The following ZFYVE26 variants were observed in gnomAD, a reference collection of about 807,000 sequenced individuals.
ZFYVE26 encodes the protein zinc finger FYVE-type containing 26.
ZFYVE26 carries 181 observed loss-of-function variants against 276.5 expected under a neutral mutation model. The ratio of observed to expected loss-of-function variants is 0.65; its 90% CI spans 0.58 to 0.74. The LOEUF (loss-of-function observed/expected upper bound fraction) is 0.74, where lower values mean the gene tolerates loss of function less well. Ranked by LOEUF, ZFYVE26 falls within the 30% of genes least tolerant of loss-of-function variation. The pLI is 0.00. For synonymous variants in ZFYVE26, 1,129 were observed against 1,203.1 expected, an observed-to-expected ratio of 0.94 and a Z score of 1.27; for missense variants, 2,821 against 3,097.9, an observed-to-expected ratio of 0.91 and a Z score of 2.12.
intron 32 of ZFYVE26, 75 bp downstream of exon 32, chr14:67,766,152 T>C (rs2039051063): frequency 1.4e-6 from 2 of 1,419,162 alleles, no homozygotes; most frequent in Admixed American, 1.7e-5. Context: ...GATAAAAAAA[T>C]CACAGTGGGG....
At chr14:67,753,683 T>C in intron 39 of ZFYVE26, 24 bp downstream of exon 39, 4 of 1,611,394 alleles carry the variant, frequency 2.5e-6, no homozygotes, top group Non-Finnish European at 3.4e-6. Context: ...GTCCTCAGTA[T>C]GATTTGAATG....
At position 67,737,349 on chromosome 14, in the gene ZFYVE26, G is replaced by A. The variant is rs141726924; in HGVS notation, n.2680-7530C>T. 9.6e-3 allele frequency among the ~76,000 whole-genome samples: 1,459 copies of A among 152,158 alleles called. 23 individuals are homozygous for A. The highest frequency in any genetic ancestry group is 0.03 in the African/African-American group (1,233 of 41,514). On this transcript the variant is annotated intron_variant and non_coding_transcript_variant, in intron 13 of 14. Coordinates refer to the ZFYVE26 transcript ENST00000394455. ...AATTGGCTCATACTTCCACATGGCC[G>A]GGGAGGCCTCAGGAAACTTACAATC...
intron 16 of ZFYVE26, among the ~76,000 whole-genome samples, chr14:67,788,304 G>A (rs772361095): frequency 6.6e-6 from 1 of 152,186 alleles, no homozygotes; most frequent in Non-Finnish European, 1.5e-5. Context: ...CAGGAGAATC[G>A]CTTGAACCCG....
chr14:67,779,487 G>A (rs879654486), intron 23 of ZFYVE26, among the ~76,000 whole-genome samples: 19 of 152,246 alleles, frequency 1.2e-4, no homozygotes, highest in Admixed American at 7.2e-4. Context: ...ATCTGAACCC[G>A]GGAGGCGGAG....
chr14:67,782,465 A>G (rs1333729838), intron 21 of ZFYVE26, among the ~76,000 whole-genome samples: 1 of 152,180 alleles, frequency 6.6e-6, no homozygotes, highest in African/African-American at 2.4e-5. Context: ...CCTGAGCTCT[A>G]TCCTGGGCCT....
intron 2 of ZFYVE26, 82 bp from the exon 3 acceptor site, chr14:67,814,146 G>T: frequency 2.6e-6 from 3 of 1,141,588 alleles, no homozygotes; most frequent in Non-Finnish European, 3.9e-6. Context: ...AGATTTCATT[G>T]CTTATTCTGT....
intron 28 of ZFYVE26, chr14:67,770,239 G>A (rs181824001): frequency 1.6e-3 from 282 of 175,632 alleles, no homozygotes; most frequent in Non-Finnish European, 2.9e-3. Flanking sequence ...AGAGGTGAGC[G>A]GATCATCTGA....
At chr14:67,816,398 G>A in intron 1 of ZFYVE26, 136 bp downstream of exon 1, 2 of 162,768 alleles carry the variant, frequency 1.2e-5, no homozygotes, top group South Asian at 3.1e-4. Context: ...TGAGCCCTCT[G>A]TTAAGGCAGA....
chr14:67,772,834 G>A (rs2140208509), intron 27 of ZFYVE26, among the ~76,000 whole-genome samples: 1 of 152,270 alleles, frequency 6.6e-6, no homozygotes, highest in Admixed American at 6.5e-5. Context: ...GGTGGTGTGT[G>A]CATGTAGTCC....
chr14:67,748,598 G>A lies in ZFYVE26; in HGVS notation c.7458C>T (p.Tyr2486=), dbSNP rs766789454. 11 of 1,614,052 alleles carry A rather than the reference G, an allele frequency of 6.8e-6. No individual in the cohort carries two copies. The Admixed American group carries it at 1.7e-4, about 24-fold the overall frequency. The stretch of plus-strand genomic sequence containing the variant: ...AGTGTTCTTGCTTCACAGCAATCAA[G>A]TAGGCAGAACGCAGTTTGCAACATA... ...YLICCKLRSA[Y]LIAVKQEHSR... The change falls in exon 42 of 42, where the codon TAC becomes TAT. Residue 2486 remains tyrosine (Y), a synonymous_variant. Coordinates refer to ENST00000347230, the MANE Select transcript of ZFYVE26 (RefSeq NM_015346.4).
rs1035808739 is a variant in ZFYVE26, at chr14:67,729,303, G to C, written n.3196C>G. On this transcript the variant is annotated non_coding_transcript_exon_variant, in exon 14 of 15. Coordinates refer to the ZFYVE26 transcript ENST00000394455. The stretch of plus-strand genomic sequence containing the variant: ...GGCTCTTCTCCCCCTTTGTCAAGAC[G>C]GCACGGGAGGGGGCGCAGACCAGCC... 1.1e-5 allele frequency: 18 copies of C among 1,601,948 alleles called. No homozygotes were observed. Among genetic ancestry groups the C allele is most frequent in the Admixed American group, 1.7e-5 (1 of 59,992 alleles).
chr14:67,790,874 A>G (rs2039796584), intron 14 of ZFYVE26, 101 bp from the exon 15 acceptor site: 1 of 1,103,038 alleles, frequency 9.1e-7, no homozygotes, highest in Admixed American at 1.7e-5. Flanking sequence ...TGGCCCTAAG[A>G]TGTCTTTGTG....
downstream of ZFYVE26, among the ~76,000 whole-genome samples, chr14:67,742,942 C>T (rs551848724): frequency 9.5e-5 from 14 of 147,868 alleles, no homozygotes; most frequent in East Asian, 1.6e-3. Context: ...TGGGCTCAAG[C>T]GATCCTCCCA....
intron 27 of ZFYVE26, among the ~76,000 whole-genome samples, chr14:67,773,553 G>GCACACACA (rs150277930): frequency 7.3e-6 from 1 of 136,966 alleles, no homozygotes; most frequent in Non-Finnish European, 1.5e-5. Flanking sequence ...AAAAAAAGGC[G>GCACACACA]CACACACACA....
In ZFYVE26 at chr14:67,790,781, A is replaced by G. The variant is rs1470580960; in HGVS notation, c.2554-8T>C. 6.2e-7 allele frequency: 1 copy of G among 1,613,478 alleles called. No individual in the cohort carries two copies. Among genetic ancestry groups the G allele is most frequent in the African/African-American group, 1.3e-5 (1 of 74,934 alleles). On this transcript the variant is annotated splice_polypyrimidine_tract_variant and splice_region_variant and intron_variant, in intron 14 of 41. Transcript: ENST00000347230. ...GTTGAACGTGAACAGCACCTGTCAT[A>G]GGAGAGGGAGTGTGTGGGCCCTGGT...
intron 9 of ZFYVE26, among the ~76,000 whole-genome samples, chr14:67,803,345 T>C (rs548685887): frequency 2.0e-5 from 3 of 152,100 alleles, no homozygotes; most frequent in Non-Finnish European, 2.9e-5. Context: ...TTCAGACAAG[T>C]CTTCTTCTTT....
chr14:67,762,493 T>C, intron 33 of ZFYVE26, 81 bp from the exon 34 acceptor site: 1 of 1,544,166 alleles, frequency 6.5e-7, no homozygotes, highest in Non-Finnish European at 8.8e-7. Flanking sequence ...TATTCCCAAG[T>C]TGCCAACCAC....
At chr14:67,800,048 G>A (rs1389453704) in intron 10 of ZFYVE26, among the ~76,000 whole-genome samples, 1 of 152,120 alleles carries the variant, frequency 6.6e-6, no homozygotes, top group Non-Finnish European at 1.5e-5. Context: ...TTTACATTTG[G>A]TCTTAATGAT....
At position 67,783,147 on chromosome 14, in the gene ZFYVE26, T is replaced by C. The variant is rs907667900; in HGVS notation, c.4005A>G (p.Ser1335=). Residue 1335 remains serine (S), a synonymous_variant, in exon 21 of 42, where the codon TCA becomes TCG. Transcript: ENST00000347230. ...PRLKVSKPSL[S]WKELRGRREV... is the part of the protein sequence containing the mutation. The stretch of plus-strand genomic sequence containing the variant: ...CCCTGCGGCCACGAAGTTCCTTCCA[T>C]GACAAGCTGGGTTTGCTGACCTTTA... 4 of 1,607,854 alleles carry C rather than the reference T, an allele frequency of 2.5e-6. No individual in the cohort carries two copies. Among genetic ancestry groups the C allele is most frequent in the African/African-American group, 2.7e-5 (2 of 74,710 alleles).
Sources: allele counts gnomAD v4.1 joint callset (sites outside exome capture counted in the v4.1 genomes callset), GRCh38; gene constraint gnomAD v4.1.1; transcripts MANE v1.5; gene names NCBI Gene and HGNC (gene_info 2026-07-23, HGNC 2026-07-21).